Variants in SQOR observed in about 807,000 individuals in gnomAD.
SQOR encodes the protein sulfide:quinone oxidoreductase, mitochondrial.
SQOR carries 39 observed loss-of-function variants against 48.6 expected under a neutral mutation model. The ratio of observed to expected loss-of-function variants is 0.80; its 90% confidence interval spans 0.62 to 1.05. SQOR has a LOEUF of 1.05. Among genes scored for constraint, SQOR ranks in the 50% least tolerant of loss-of-function variants. The pLI is 0.00. For synonymous variants in SQOR, 220 were observed against 206.2 expected, an observed-to-expected ratio of 1.07 and a Z score of -0.57; for missense variants, 561 against 559.9, an observed-to-expected ratio of 1.00 and a Z score of -0.02.
At position 45,673,765 on chromosome 15, in the gene SQOR, G is replaced by C; in HGVS notation, c.618G>C (p.Gln206His). The C allele has an allele frequency of 1.2e-6, 2 of 1,614,158 alleles. No individual in the cohort carries two copies. The highest frequency in any genetic ancestry group is 1.7e-6 in the Non-Finnish European group (2 of 1,180,024). The change falls in exon 5 of 10, where the codon CAG becomes CAC. Residue 206 changes from glutamine to histidine, a missense_variant. Transcript: ENST00000260324. ...NTPVKCAGAP[Q>H]KIMYLSEAYF... ...CAGTGAAGTGTGCTGGAGCCCCTCA[G>C]AAGATCATGTACTTATCAGAAGCCT...
In SQOR at chr15:45,687,577, T is replaced by C. The variant is rs1890245836; in HGVS notation, c.1049-760T>C. On this transcript the variant is annotated intron_variant, in intron 7 of 9. Transcript: ENST00000260324. ...ATGAGTGAACTGATGTGATATCTGC[T>C]CTAAAAATACAGCGGGAAAAAAATA... 2.0e-5 allele frequency among the ~76,000 whole-genome samples: 3 copies of C among 148,708 alleles called. No individual in the cohort carries two copies. The Admixed American group carries it at 2.0e-4, about 10-fold the overall frequency.
intron 7 of SQOR, among the ~76,000 whole-genome samples, chr15:45,686,507 A>C (rs1035142837): frequency 2.6e-5 from 4 of 152,176 alleles, no homozygotes; most frequent in African/African-American, 9.7e-5. Context: ...ACCCTCACCC[A>C]TTCTAGAAAA....
intron 1 of SQOR, among the ~76,000 whole-genome samples, chr15:45,642,937 T>C (rs537498400): frequency 6.6e-5 from 10 of 152,330 alleles, no homozygotes; most frequent in Admixed American, 6.5e-5. Context: ...TCCAATAGTC[T>C]CCTAACTGAT....
In SQOR at chr15:45,662,169, G is replaced by A. The variant is rs1442397171; in HGVS notation, c.405+44G>A. 1.9e-6 allele frequency: 3 copies of A among 1,598,486 alleles called. No homozygotes were observed. In the African/African-American group the frequency reaches 4.0e-5, roughly 21 times the overall value. On this transcript the variant is annotated intron_variant, in intron 3 of 9. Coordinates refer to ENST00000260324, the MANE Select transcript of SQOR (RefSeq NM_021199.4). The stretch of plus-strand genomic sequence containing the variant: ...AGATTTTTTGTTAATCTGACAGCTT[G>A]TATTAATATGCAGCCATCTTAAACT...
At chr15:45,645,954 TAC>T (rs1012513442) in intron 1 of SQOR, 1 of 152,196 alleles carries the variant, frequency 6.6e-6, no homozygotes, top group African/African-American at 2.4e-5. Context: ...GTATTTCTGA[TAC>T]ATTTTCTAAA....
At chr15:45,634,877 T>C (rs1463433927), upstream of SQOR, 1 of 152,200 alleles carries the variant, frequency 6.6e-6, no homozygotes, top group Non-Finnish European at 1.5e-5. Context: ...CTGTGCCCCG[T>C]GAGCGCTCAA....
At chr15:45,673,944 GT>G in intron 5 of SQOR, 143 bp downstream of exon 5, 1 of 770,054 alleles carries the variant, frequency 1.3e-6, no homozygotes, top group Non-Finnish European at 2.0e-6. Flanking sequence ...TTAACTGGAA[GT>G]TTATAAAATA....
chr15:45,690,082 CTTTTT>C (rs11449007), intron 9 of SQOR, among the ~76,000 whole-genome samples: 2 of 137,014 alleles, frequency 1.5e-5, no homozygotes, highest in Non-Finnish European at 1.5e-5. Flanking sequence ...CCTCTTCCTC[CTTTTT>C]TTTTTTTTTT....
intron 1 of SQOR, among the ~76,000 whole-genome samples, chr15:45,655,087 T>C (rs1325908965): frequency 2.0e-5 from 3 of 152,196 alleles, no homozygotes; most frequent in Non-Finnish European, 2.9e-5. Context: ...GGAAAATGAT[T>C]TGGGGCTGCT....
At chr15:45,673,537 T>G in intron 4 of SQOR, 70 bp from the exon 5 acceptor site, 1 of 1,484,330 alleles carries the variant, frequency 6.7e-7, no homozygotes, top group Non-Finnish European at 9.2e-7. Flanking sequence ...GTTGTAGAAA[T>G]GGCAAAGAAC....
chr15:45,633,608 C>T (rs906597143), upstream of SQOR, among the ~76,000 whole-genome samples: 1 of 149,202 alleles, frequency 6.7e-6, no homozygotes, highest in Non-Finnish European at 1.5e-5. Context: ...GCAGGAGAAT[C>T]ACTTGAATCC....
At chr15:45,669,783 G>A (rs527647353) in intron 3 of SQOR, 145 bp from the exon 4 acceptor site, 8 of 703,768 alleles carry the variant, frequency 1.1e-5, no homozygotes, top group South Asian at 1.1e-4. Flanking sequence ...ACCTTGTTCT[G>A]CTTCGATTTT....
intron 5 of SQOR, among the ~76,000 whole-genome samples, chr15:45,674,210 G>A (rs1258177572): frequency 6.6e-6 from 1 of 152,176 alleles, no homozygotes; most frequent in Admixed American, 6.5e-5. Context: ...GCCAAGGTGG[G>A]TGGATCACCT....
intron 1 of SQOR, among the ~76,000 whole-genome samples, chr15:45,636,565 A>C (rs1350119352): frequency 6.6e-6 from 1 of 152,004 alleles, no homozygotes; most frequent in African/African-American, 2.4e-5. Flanking sequence ...CACCACACCC[A>C]GCTAATTTTT....
At chr15:45,687,743 TTCTGTCTG>T (rs56081932) in intron 7 of SQOR, among the ~76,000 whole-genome samples, 1 of 151,982 alleles carries the variant, frequency 6.6e-6, no homozygotes, top group Non-Finnish European at 1.5e-5. Flanking sequence ...CTGTCTGTCG[TTCTGTCTG>T]TCTGTCTGTC....
At chr15:45,650,087 T>C (rs1430110943) in intron 1 of SQOR, among the ~76,000 whole-genome samples, 2 of 148,808 alleles carry the variant, frequency 1.3e-5, no homozygotes, top group Non-Finnish European at 3.0e-5. Context: ...AAGTGATCCA[T>C]CTGCCTCAGC....
chr15:45,688,749 A>G (rs191614), intron 8 of SQOR, among the ~76,000 whole-genome samples: 95,049 of 151,922 alleles, frequency 0.63, 30,037 homozygotes, highest in Middle Eastern at 0.75. Context: ...CTGACCTCAG[A>G]TGATCCACCC....
intron 6 of SQOR, 23 bp from the exon 7 acceptor site, chr15:45,682,455 G>A (rs766331889): frequency 4.3e-6 from 7 of 1,612,388 alleles, no homozygotes; most frequent in Admixed American, 3.3e-5. Flanking sequence ...AAATGAAAAT[G>A]TGGATTCTCT....
At chr15:45,662,786 C>T (rs1286840345) in intron 3 of SQOR, among the ~76,000 whole-genome samples, 2 of 152,180 alleles carry the variant, frequency 1.3e-5, no homozygotes, top group Non-Finnish European at 2.9e-5. Context: ...GCTTTCTTTT[C>T]CCCCACCTGC....
Sources: allele counts gnomAD v4.1 joint callset (sites outside exome capture counted in the v4.1 genomes callset), GRCh38; gene constraint gnomAD v4.1.1; transcripts MANE v1.5; gene names NCBI Gene and HGNC (gene_info 2026-07-23, HGNC 2026-07-21).